The following CLASP2 variants were observed in gnomAD, a reference collection of about 807,000 sequenced individuals.
The protein encoded by CLASP2 is cytoplasmic linker associated protein 2, also known as CLIP-associating protein 2.
CLASP2 carries 47 observed loss-of-function variants against 194.4 expected under a neutral mutation model. The observed-to-expected ratio is 0.24, with a 90% CI of 0.19 to 0.31. CLASP2 has a LOEUF of 0.31. Ranked by LOEUF, CLASP2 falls within the 10% of genes least tolerant of loss-of-function variation. CLASP2 has a pLI of 1.00. For synonymous variants in CLASP2, 619 were observed against 633.5 expected (o/e 0.98, Z 0.34); for missense variants, 1,445 against 1,823.6 (o/e 0.79, Z 3.78).
chr3:33,509,749 T>C (rs1182535329), intron 37 of CLASP2, among the ~76,000 whole-genome samples: 4 of 152,232 alleles, frequency 2.6e-5, no homozygotes, highest in Admixed American at 1.3e-4. Context: ...TCACAATGTA[T>C]GGTTAAGTTT....
intron 7 of CLASP2, among the ~76,000 whole-genome samples, chr3:33,657,218 A>G (rs1049326942): frequency 6.6e-6 from 1 of 152,160 alleles, no homozygotes; most frequent in African/African-American, 2.4e-5. Context: ...GGTATAGTGT[A>G]TGTGCACTGG....
At chr3:33,706,366 C>G (rs2092685609) in intron 1 of CLASP2, among the ~76,000 whole-genome samples, 1 of 152,158 alleles carries the variant, frequency 6.6e-6, no homozygotes, top group Non-Finnish European at 1.5e-5. Flanking sequence ...CTTCTTTTAG[C>G]AACAACTATT....
At chr3:33,683,237 T>G (rs1015284227) in intron 6 of CLASP2, 9 of 152,202 alleles carry the variant, frequency 5.9e-5, no homozygotes, top group African/African-American at 2.2e-4. Context: ...GAATATATAA[T>G]GAAACAATGA....
intron 32 of CLASP2, among the ~76,000 whole-genome samples, chr3:33,542,257 T>C (rs1023446698): frequency 1.3e-5 from 2 of 151,322 alleles, no homozygotes; most frequent in African/African-American, 4.8e-5. Flanking sequence ...GACCAATCTC[T>C]CAGTCAGTCA....
chr3:33,689,431 G>A (rs1365109734), intron 3 of CLASP2, among the ~76,000 whole-genome samples: 1 of 151,434 alleles, frequency 6.6e-6, no homozygotes, highest in Non-Finnish European at 1.5e-5. Flanking sequence ...GGAAAACATA[G>A]TAACCACCTG....
intron 7 of CLASP2, among the ~76,000 whole-genome samples, chr3:33,657,588 G>GTT (rs1177742069): frequency 6.9e-6 from 1 of 144,126 alleles, no homozygotes. Flanking sequence ...ATTAGGTTTG[G>GTT]TTTTTTTTTT....
At position 33,584,740 on chromosome 3, in the gene CLASP2, A is replaced by G; in HGVS notation, c.2239+10T>C. On this transcript the variant is annotated intron_variant, in intron 22 of 38. Transcript: ENST00000682230. ...ACATGTCTCACATAAAAAAAAAAAAAAAATCTTACCCACTGAAAGCCTAGA... is the reference window on the plus strand; with the variant it reads ...ACATGTCTCACATAAAAAAAAAAAAGAAATCTTACCCACTGAAAGCCTAGA... 3 of 1,564,210 alleles carry G rather than the reference A, an allele frequency of 1.9e-6. No homozygotes were observed. The highest frequency in any genetic ancestry group is 2.6e-6 in the Non-Finnish European group (3 of 1,164,158).
chr3:33,603,722 A>C (rs1456380602), intron 17 of CLASP2, among the ~76,000 whole-genome samples: 1 of 152,108 alleles, frequency 6.6e-6, no homozygotes, highest in Non-Finnish European at 1.5e-5. Flanking sequence ...TTCTGGGTTC[A>C]AGTGATTCTC....
intron 8 of CLASP2, among the ~76,000 whole-genome samples, chr3:33,638,842 A>G: frequency 6.6e-6 from 1 of 152,184 alleles, no homozygotes. Flanking sequence ...CATATGTGAG[A>G]TCTATAATAA....
Position 33,644,742 on chromosome 3 carries a change from A to T in CLASP2, c.862+15T>A, listed in dbSNP as rs182378986. On this transcript the variant is annotated intron_variant, in intron 8 of 38. Coordinates refer to ENST00000682230, the MANE Select transcript of CLASP2 (RefSeq NM_001365631.1). ...ATGGAGCATGCATAACAGATTTGAA[A>T]TGGATTTACATTACCTCCAACCTTA... 6.2e-7 allele frequency: 1 copy of T among 1,612,570 alleles called. No homozygotes were observed. The highest frequency in any genetic ancestry group is 1.3e-5 in the African/African-American group (1 of 75,022).
rs557944978 is a variant in CLASP2 at position 33,496,555 on chromosome 3, C to T, written c.*2076G>A. The T allele has an allele frequency of 6.6e-6, 1 of 152,214 alleles. No homozygotes were observed. The highest frequency in any genetic ancestry group is 1.5e-5 in the Non-Finnish European group (1 of 68,000). The allele number at this position is 152,214 out of a possible 1,614,324, so 9.4% of individuals were successfully genotyped here. On this transcript the variant is annotated 3_prime_UTR_variant, in exon 39 of 39. Transcript: ENST00000682230. ...TTGGACACATTAAACCATACTTTTC[C>T]ATTATGTAGTTAATTCATTTCTTGA... is the stretch of plus-strand genomic sequence containing the variant.
chr3:33,579,764 A>T (rs576698969), intron 23 of CLASP2, among the ~76,000 whole-genome samples: 1 of 152,286 alleles, frequency 6.6e-6, no homozygotes, highest in African/African-American at 2.4e-5. Flanking sequence ...TGTTTTATAG[A>T]TGAGGAAACT....
intron 30 of CLASP2, among the ~76,000 whole-genome samples, chr3:33,548,661 A>G (rs2059525902): frequency 6.6e-6 from 1 of 151,398 alleles, no homozygotes; most frequent in Admixed American, 6.6e-5. Context: ...GCTTGTTTTT[A>G]CTGATAGGAT....
chr3:33,635,930 A>C (rs2080049991), intron 8 of CLASP2, among the ~76,000 whole-genome samples: 1 of 152,196 alleles, frequency 6.6e-6, no homozygotes, highest in Admixed American at 6.5e-5. Flanking sequence ...TAATTGAGGA[A>C]AATATAAACA....
intron 30 of CLASP2, among the ~76,000 whole-genome samples, chr3:33,547,943 C>T (rs1466913561): frequency 6.6e-6 from 1 of 151,774 alleles, no homozygotes; most frequent in African/African-American, 2.4e-5. Context: ...TGTATGCCAC[C>T]ACACTCAATT....
At position 33,606,777 on chromosome 3, in the gene CLASP2, A is replaced by G; in HGVS notation, c.1527-19T>C. On this transcript the variant is annotated intron_variant, in intron 15 of 38. Transcript: ENST00000682230. ...GTATGTCCTGTTAAAAAAAAAGAAA[A>G]GCAGATGAAGTAATAGCTTTACATA... 1 of 1,568,506 alleles carries G rather than the reference A, an allele frequency of 6.4e-7. No homozygotes were observed. Among genetic ancestry groups the G allele is most frequent in the South Asian group, 1.2e-5 (1 of 86,332 alleles).
chr3:33,572,878 C>G (rs1459022721), intron 25 of CLASP2, among the ~76,000 whole-genome samples: 4 of 148,136 alleles, frequency 2.7e-5, no homozygotes, highest in African/African-American at 7.4e-5. Flanking sequence ...TAAAAAGTTT[C>G]CTTTCAAAAT....
intron 6 of CLASP2, among the ~76,000 whole-genome samples, chr3:33,681,686 T>C (rs185476229): frequency 6.6e-6 from 1 of 152,256 alleles, no homozygotes; most frequent in Non-Finnish European, 1.5e-5. Flanking sequence ...CAAAACATAA[T>C]ATAACATATA....
At chr3:33,534,908 C>T (rs116062238) in intron 34 of CLASP2, among the ~76,000 whole-genome samples, 9 of 152,008 alleles carry the variant, frequency 5.9e-5, no homozygotes, top group Non-Finnish European at 1.0e-4. Context: ...GTTTTGTCAT[C>T]GTGGTATAAA....
Sources: gnomAD v4.1 joint callset for allele counts (sites outside exome capture counted in the v4.1 genomes callset) on GRCh38, gnomAD v4.1.1 for gene constraint, MANE v1.5 for transcripts, NCBI Gene and HGNC (gene_info 2026-07-23, HGNC 2026-07-21) for gene names.